RIMKLB: variants seen among roughly 807,000 people sequenced by gnomAD.
RIMKLB encodes the protein ribosomal modification protein rimK like family member B.
Under a neutral mutation model 32.0 loss-of-function variants are expected in RIMKLB, and 7 were observed. That is an observed-to-expected ratio of 0.22 (90% CI 0.12 to 0.41). The LOEUF (loss-of-function observed/expected upper bound fraction) is 0.41, where lower values mean the gene tolerates loss of function less well. RIMKLB is among the 10% of genes least tolerant of loss of function. RIMKLB has a pLI of 1.00. For synonymous variants in RIMKLB, 172 were observed against 185.1 expected, an observed-to-expected ratio of 0.93 and a Z score of 0.57; for missense variants, 289 against 498.7, an observed-to-expected ratio of 0.58 and a Z score of 4.00.
At chr12:8,696,104 G>A (rs1231764755), upstream of RIMKLB, among the ~76,000 whole-genome samples, 1 of 152,168 alleles carries the variant, frequency 6.6e-6, no homozygotes, top group Non-Finnish European at 1.5e-5. Context: ...CCACGAATTG[G>A]ATTCCTTAAG....
At chr12:8,740,167 A>G (rs780287729) in intron 2 of RIMKLB, among the ~76,000 whole-genome samples, 3 of 152,160 alleles carry the variant, frequency 2.0e-5, no homozygotes, top group Admixed American at 6.5e-5. Flanking sequence ...CGTCCTCCCA[A>G]AGTGCTGGGA....
At chr12:8,781,127 G>A (rs1212691908), downstream of RIMKLB, among the ~76,000 whole-genome samples, 2 of 152,196 alleles carry the variant, frequency 1.3e-5, no homozygotes, top group Non-Finnish European at 2.9e-5. Context: ...GATCACCTGA[G>A]GTCAGGAGTT....
At chr12:8,673,096 A>G in the RIMKLB span, among the ~76,000 whole-genome samples, 81 of 151,360 alleles carry the variant, frequency 5.4e-4, no homozygotes, top group African/African-American at 1.9e-3. Context: ...TAGCCAGGCT[A>G]GTCTTGAACT....
At chr12:8,674,714 T>A in the RIMKLB span, among the ~76,000 whole-genome samples, 1 of 150,524 alleles carries the variant, frequency 6.6e-6, no homozygotes, top group Admixed American at 6.6e-5. Flanking sequence ...CATGCCCAAC[T>A]AATTTTTGTG....
At chr12:8,740,242 G>A (rs563002973) in intron 2 of RIMKLB, among the ~76,000 whole-genome samples, 99 of 152,022 alleles carry the variant, frequency 6.5e-4, no homozygotes, top group Non-Finnish European at 1.2e-3. Flanking sequence ...TCTTTGATAC[G>A]GTAAATAATA....
chr12:8,734,824 A>G (rs139869422), intron 2 of RIMKLB, among the ~76,000 whole-genome samples: 11 of 152,270 alleles, frequency 7.2e-5, no homozygotes, highest in Middle Eastern at 3.4e-3. Context: ...AATAAAAAGC[A>G]TCTTCCAGAT....
Position 8,752,059 on chromosome 12 carries a change from TG to T in RIMKLB, c.493+18del. 1 of 1,494,096 alleles carries T rather than the reference TG, an allele frequency of 6.7e-7. No homozygotes were observed. Among genetic ancestry groups the T allele is most frequent in the Non-Finnish European group, 9.3e-7 (1 of 1,072,354 alleles). The allele number at this position is 1,494,096 out of a possible 1,614,324, so 92.6% of individuals were successfully genotyped here. The stretch of plus-strand genomic sequence containing the variant: ...GGTCACAGAGGTATGTATGAGTTGT[TG>T]GTAAGGTATATAGTTTTGAAACTAT... On this transcript the variant is annotated intron_variant, in intron 4 of 5. Coordinates refer to ENST00000535829, the MANE Select transcript of RIMKLB (RefSeq NM_001297776.2).
chr12:8,742,860 G>A (rs957376660), intron 2 of RIMKLB: 3 of 187,456 alleles, frequency 1.6e-5, no homozygotes, highest in Non-Finnish European at 3.3e-5. Flanking sequence ...TTAACCTGCC[G>A]ACCATTACTC....
chr12:8,732,337 C>CA (rs1419254720), intron 2 of RIMKLB, among the ~76,000 whole-genome samples: 1 of 152,076 alleles, frequency 6.6e-6, no homozygotes, highest in Admixed American at 6.6e-5. Flanking sequence ...CCTAAGGAAT[C>CA]AAATTACTGG....
At chr12:8,722,180 A>G (rs772116082) in intron 2 of RIMKLB, among the ~76,000 whole-genome samples, 237 of 151,870 alleles carry the variant, frequency 1.6e-3, no homozygotes, top group African/African-American at 5.4e-3. Context: ...TAAGATTTGA[A>G]AGTAGAAATT....
chr12:8,782,903 C>T (rs992917671), intron 7 of RIMKLB: 2 of 151,964 alleles, frequency 1.3e-5, no homozygotes, highest in Admixed American at 6.6e-5. Context: ...TTGTGTTTTT[C>T]CCCCCTAGGT....
intron 2 of RIMKLB, among the ~76,000 whole-genome samples, chr12:8,741,184 C>T (rs1256319683): frequency 3.3e-5 from 5 of 151,482 alleles, no homozygotes; most frequent in African/African-American, 9.7e-5. Context: ...CCAGCCTGGG[C>T]GACAGAGGGA....
At chr12:8,780,648 A>G (rs959493532), downstream of RIMKLB, 1 of 152,232 alleles carries the variant, frequency 6.6e-6, no homozygotes, top group Non-Finnish European at 1.5e-5. Flanking sequence ...TAAAGTCTGC[A>G]TAGGAGAAGA....
upstream of RIMKLB, among the ~76,000 whole-genome samples, chr12:8,680,450 C>T (rs1489596408): frequency 6.6e-6 from 1 of 152,348 alleles, no homozygotes; most frequent in Non-Finnish European, 1.5e-5. Flanking sequence ...TGAGCCACCG[C>T]GCCCAGCCAG....
the RIMKLB span, among the ~76,000 whole-genome samples, chr12:8,673,598 TTC>T: frequency 6.6e-6 from 1 of 151,526 alleles, no homozygotes; most frequent in Non-Finnish European, 1.5e-5. Context: ...TCACTCGAGC[TTC>T]TTTTTTTTTT....
intron 2 of RIMKLB, among the ~76,000 whole-genome samples, chr12:8,737,996 G>T (rs1591815630): frequency 6.6e-6 from 1 of 152,184 alleles, no homozygotes; most frequent in African/African-American, 2.4e-5. Context: ...TTACAGGTGT[G>T]AGCCACTGCG....
chr12:8,782,689 A>T (rs1404540275), intron 7 of RIMKLB, among the ~76,000 whole-genome samples: 5 of 152,112 alleles, frequency 3.3e-5, no homozygotes, highest in Non-Finnish European at 7.4e-5. Context: ...TGATAAGAAC[A>T]TTAAATGTCT....
chr12:8,782,070 C>G (rs1282510304), downstream of RIMKLB, among the ~76,000 whole-genome samples: 1 of 151,452 alleles, frequency 6.6e-6, no homozygotes, highest in Non-Finnish European at 1.5e-5. Flanking sequence ...GTACTTGAGC[C>G]TGGGTGACAG....
intron 5 of RIMKLB, among the ~76,000 whole-genome samples, chr12:8,761,770 G>A (rs1337364592): frequency 1.3e-5 from 2 of 152,132 alleles, no homozygotes; most frequent in Non-Finnish European, 2.9e-5. Context: ...GAAAACCCAA[G>A]TGCTGTTGGG....
Sources: gnomAD v4.1 joint callset for allele counts (sites outside exome capture counted in the v4.1 genomes callset) on GRCh38, gnomAD v4.1.1 for gene constraint, MANE v1.5 for transcripts, NCBI Gene and HGNC (gene_info 2026-07-23, HGNC 2026-07-21) for gene names.